TOX: variants seen among roughly 807,000 people sequenced by gnomAD.
TOX encodes the protein thymocyte selection-associated high mobility group box protein TOX.
TOX carries 11 observed loss-of-function variants against 53.7 expected under a neutral mutation model. The ratio of observed to expected loss-of-function variants is 0.20; its 90% confidence interval spans 0.13 to 0.34. The LOEUF is 0.34. TOX is among the 10% of genes least tolerant of loss of function. TOX has a pLI of 1.00. For missense variants in TOX, 570 were observed against 664.6 expected, an observed-to-expected ratio of 0.86 and a Z score of 1.56; for synonymous variants, 225 against 245.3, an observed-to-expected ratio of 0.92 and a Z score of 0.77.
chr8:58,807,984 T>G, intron 8 of TOX, 134 bp downstream of exon 8: 1 of 1,308,560 alleles, frequency 7.6e-7, no homozygotes, highest in Non-Finnish European at 1.1e-6. Context: ...CTTAACAATT[T>G]CTGGTGTCTT....
chr8:59,080,493 T>A (rs1306311186), intron 1 of TOX, among the ~76,000 whole-genome samples: 1 of 152,198 alleles, frequency 6.6e-6, no homozygotes, highest in Non-Finnish European at 1.5e-5. Flanking sequence ...TAGGAAGGCA[T>A]GATTGTATTT....
At chr8:59,045,008 C>G (rs1323792632) in intron 1 of TOX, among the ~76,000 whole-genome samples, 2 of 152,232 alleles carry the variant, frequency 1.3e-5, no homozygotes, top group Non-Finnish European at 2.9e-5. Context: ...CATATCATTT[C>G]TCTAAGCAAA....
At chr8:58,996,554 T>C (rs765375157) in intron 1 of TOX, among the ~76,000 whole-genome samples, 5 of 152,218 alleles carry the variant, frequency 3.3e-5, no homozygotes, top group Non-Finnish European at 1.5e-5. Context: ...CCCTTTCCTA[T>C]AACTTTATCT....
At chr8:58,883,794 A>C (rs551700041) in intron 3 of TOX, among the ~76,000 whole-genome samples, 70 of 152,288 alleles carry the variant, frequency 4.6e-4, no homozygotes, top group African/African-American at 1.7e-3. Context: ...CACAAATTGA[A>C]ACCTCAAAGA....
intron 2 of TOX, among the ~76,000 whole-genome samples, chr8:58,956,218 C>T (rs1215163175): frequency 6.6e-6 from 1 of 152,120 alleles, no homozygotes; most frequent in Admixed American, 6.5e-5. Context: ...TAACAACAGC[C>T]TCATATAAAG....
chr8:59,003,783 G>T (rs1398581786), intron 1 of TOX, among the ~76,000 whole-genome samples: 1 of 152,114 alleles, frequency 6.6e-6, no homozygotes, highest in African/African-American at 2.4e-5. Flanking sequence ...ATCCATCTTA[G>T]ACTTTGGACA....
chr8:58,805,420 C>G lies in TOX; in HGVS notation c.*2327G>C, dbSNP rs187103185. 1 of 152,178 alleles carries G rather than the reference C, an allele frequency of 6.6e-6. No individual in the cohort carries two copies. Among genetic ancestry groups the G allele is most frequent in the Non-Finnish European group, 1.5e-5 (1 of 68,028 alleles). 9.4% of individuals were successfully genotyped at this position (152,178 alleles called of 1,614,324 possible). ...TGGATCACCAAATAGAATACGGTCA[C>G]GCATAATAACAGTTTTATTGATGAT... is the stretch of plus-strand genomic sequence containing the variant. On this transcript the variant is annotated 3_prime_UTR_variant, in exon 9 of 9. Transcript: ENST00000361421.
At chr8:59,055,523 A>G (rs189195142) in intron 1 of TOX, among the ~76,000 whole-genome samples, 7 of 152,230 alleles carry the variant, frequency 4.6e-5, no homozygotes, top group Admixed American at 3.9e-4. Context: ...CTGACCATAT[A>G]TTTGATCTTA....
chr8:59,113,029 G>C (rs1311148287), intron 1 of TOX, among the ~76,000 whole-genome samples: 3 of 152,208 alleles, frequency 2.0e-5, no homozygotes, highest in Non-Finnish European at 4.4e-5. Context: ...AGGGTGGTAA[G>C]TGATCTAAAT....
intron 1 of TOX, among the ~76,000 whole-genome samples, chr8:59,053,427 G>A (rs1402916236): frequency 6.6e-6 from 1 of 152,156 alleles, no homozygotes; most frequent in Non-Finnish European, 1.5e-5. Flanking sequence ...CAGCAGGTTT[G>A]TCTCGAAAAT....
At chr8:58,938,611 A>G (rs1367840626) in intron 3 of TOX, among the ~76,000 whole-genome samples, 1 of 152,194 alleles carries the variant, frequency 6.6e-6, no homozygotes, top group Admixed American at 6.5e-5. Flanking sequence ...TTTCTCAAGT[A>G]TGGGATGCTT....
intron 1 of TOX, among the ~76,000 whole-genome samples, chr8:59,015,549 G>A (rs1307340509): frequency 6.6e-6 from 1 of 152,054 alleles, no homozygotes; most frequent in Non-Finnish European, 1.5e-5. Context: ...AATCTTTCTA[G>A]AACTGATTTC....
At chr8:58,848,939 T>A (rs1269959140) in intron 4 of TOX, among the ~76,000 whole-genome samples, 2 of 152,102 alleles carry the variant, frequency 1.3e-5, no homozygotes, top group African/African-American at 4.8e-5. Flanking sequence ...AATATTCTTG[T>A]TTAGTTCACT....
rs376336298 is a variant in TOX, at chr8:58,822,699, C to G, written c.1005+4123G>C. Reference sequence around the variant, plus strand: ...TCAATTAAGTGAGGGCAGCTTTACTCTTAGCTGTTTCCTATGTAAGAGCTG... The same window carrying G: ...TCAATTAAGTGAGGGCAGCTTTACTGTTAGCTGTTTCCTATGTAAGAGCTG... On this transcript the variant is annotated intron_variant, in intron 6 of 8. Coordinates refer to ENST00000361421, the MANE Select transcript of TOX (RefSeq NM_014729.3). Among the ~76,000 whole-genome samples the G allele has an allele frequency of 9.8e-4, 150 of 152,326 alleles. 6 individuals carry two copies. The South Asian group carries it at 0.03, about 31-fold the overall frequency.
At chr8:59,031,062 T>C (rs1814347351) in intron 1 of TOX, among the ~76,000 whole-genome samples, 1 of 152,164 alleles carries the variant, frequency 6.6e-6, no homozygotes, top group Admixed American at 6.5e-5. Flanking sequence ...GTATAAGCAA[T>C]TTTCCACTTT....
rs147350497 is a variant in TOX, at chr8:58,974,536, C to G, written c.103-14528G>C. 4.7e-3 allele frequency among the ~76,000 whole-genome samples: 714 copies of G among 152,294 alleles called. 5 individuals are homozygous for G. The highest frequency in any genetic ancestry group is 8.4e-3 in the Non-Finnish European group (569 of 68,010). On this transcript the variant is annotated intron_variant, in intron 1 of 8. Transcript: ENST00000361421. ...CCCAACTCTTCTAGGGCCTTTAGCA[C>G]TATTCCAGGTGTTTAGGTGTGGTGT...
chr8:59,044,407 A>C (rs1232777066), intron 1 of TOX, among the ~76,000 whole-genome samples: 1 of 152,152 alleles, frequency 6.6e-6, no homozygotes, highest in African/African-American at 2.4e-5. Flanking sequence ...CTTCTTCAAA[A>C]ACAAGATTTC....
At chr8:59,076,426 A>G (rs371863871) in intron 1 of TOX, among the ~76,000 whole-genome samples, 1 of 152,238 alleles carries the variant, frequency 6.6e-6, no homozygotes, top group African/African-American at 2.4e-5. Flanking sequence ...ATATGCTGAA[A>G]GAGAATTTTC....
chr8:59,047,401 T>A (rs1432972232), intron 1 of TOX, among the ~76,000 whole-genome samples: 1 of 151,058 alleles, frequency 6.6e-6, no homozygotes, highest in Non-Finnish European at 1.5e-5. Context: ...TTTATTTTTT[T>A]ATTTTTTAGT....
Sources: allele counts gnomAD v4.1 joint callset (sites outside exome capture counted in the v4.1 genomes callset), GRCh38; gene constraint gnomAD v4.1.1; transcripts MANE v1.5; gene names NCBI Gene and HGNC (gene_info 2026-07-23, HGNC 2026-07-21).